The following NAV2 variants were observed in gnomAD, a reference collection of about 807,000 sequenced individuals.
NAV2 encodes helicase, APC down-regulated 1.
Under a neutral mutation model 223.2 loss-of-function variants are expected in NAV2, and 54 were observed. That is an observed-to-expected ratio of 0.24 (90% CI 0.19 to 0.30). The LOEUF is 0.30. Ranked by LOEUF, NAV2 falls within the 10% of genes least tolerant of loss-of-function variation. NAV2 has a pLI of 1.00. For synonymous variants in NAV2, 1,279 were observed against 1,239.3 expected (o/e 1.03, Z -0.67); for missense variants, 2,806 against 3,147.5 (o/e 0.89, Z 2.60).
chr11:20,117,781 AAAAT>A (rs1256197416), intron 37 of NAV2, among the ~76,000 whole-genome samples: 2 of 152,210 alleles, frequency 1.3e-5, no homozygotes, highest in Admixed American at 6.5e-5. Context: ...TCCTAAATAA[AAAAT>A]AAATAAGCTA....
intron 1 of NAV2, among the ~76,000 whole-genome samples, chr11:19,754,440 A>G (rs1396649427): frequency 1.3e-5 from 2 of 152,194 alleles, no homozygotes; most frequent in Non-Finnish European, 2.9e-5. Flanking sequence ...AAACAGATGA[A>G]GAAGTGGTGA....
intron 1 of NAV2, among the ~76,000 whole-genome samples, chr11:19,477,150 T>C (rs180772031): frequency 6.6e-6 from 1 of 152,108 alleles, no homozygotes; most frequent in African/African-American, 2.4e-5. Flanking sequence ...CAAGGTAAAG[T>C]CAGGTTCTCA....
intron 1 of NAV2, among the ~76,000 whole-genome samples, chr11:19,512,033 G>A (rs558593104): frequency 1.3e-5 from 2 of 152,288 alleles, no homozygotes; most frequent in East Asian, 3.9e-4. Flanking sequence ...CCTGCCTAAT[G>A]CCTTTTGTAC....
chr11:19,687,238 G>T (rs1217652053), intron 1 of NAV2, among the ~76,000 whole-genome samples: 1 of 152,188 alleles, frequency 6.6e-6, no homozygotes, highest in East Asian at 1.9e-4. Flanking sequence ...GTAGCCCTGG[G>T]AGCCATACAG....
chr11:19,552,909 G>A (rs1311028327), intron 1 of NAV2, among the ~76,000 whole-genome samples: 3 of 150,698 alleles, frequency 2.0e-5, no homozygotes, highest in Non-Finnish European at 2.9e-5. Flanking sequence ...GGGAAGGGGG[G>A]GAGCTGGATG....
In NAV2 at chr11:19,998,377, C is replaced by G. The variant is rs2052153315; in HGVS notation, c.2768+14130C>G. On this transcript the variant is annotated intron_variant, in intron 11 of 37. Transcript: ENST00000349880. This position sits in a 1 kb window ranked among gnomAD's most constrained non-coding sequence, Gnocchi z 5.0. Reference sequence around the variant, plus strand: ...TCTCATCTGAGCTCTCCCACTGCAGCCTTCCAGGCCCACTGTACCCACCAG... The same window carrying G: ...TCTCATCTGAGCTCTCCCACTGCAGGCTTCCAGGCCCACTGTACCCACCAG... 6.6e-6 allele frequency among the ~76,000 whole-genome samples: 1 copy of G among 152,102 alleles called. No individual in the cohort carries two copies. The highest frequency in any genetic ancestry group is 2.4e-5 in the African/African-American group (1 of 41,428).
At chr11:19,948,154 C>T (rs1476091890) in intron 9 of NAV2, among the ~76,000 whole-genome samples, 1 of 151,922 alleles carries the variant, frequency 6.6e-6, no homozygotes, top group Non-Finnish European at 1.5e-5. Context: ...GATGCAATCT[C>T]AGCTCACTGC....
chr11:19,549,670 T>A (rs1031704134), intron 1 of NAV2, among the ~76,000 whole-genome samples: 1 of 152,256 alleles, frequency 6.6e-6, no homozygotes, highest in African/African-American at 2.4e-5. Context: ...AGGGGGCTCC[T>A]GCAGCAGAAT....
chr11:19,650,197 C>G (rs1376408438), intron 1 of NAV2, among the ~76,000 whole-genome samples: 1 of 152,164 alleles, frequency 6.6e-6, no homozygotes, highest in African/African-American at 2.4e-5. Context: ...GGGCCGTAAT[C>G]CAATATGACT....
chr11:19,872,702 C>T (rs540544415), intron 4 of NAV2, among the ~76,000 whole-genome samples: 1 of 152,318 alleles, frequency 6.6e-6, no homozygotes, highest in Admixed American at 6.5e-5. Flanking sequence ...AGCATTTCAG[C>T]AGCTCAGGCC....
chr11:19,776,832 C>G (rs2056261535), intron 1 of NAV2, among the ~76,000 whole-genome samples: 2 of 152,076 alleles, frequency 1.3e-5, no homozygotes, highest in African/African-American at 4.8e-5. Flanking sequence ...GGTGTCTGAG[C>G]TAAGAACCCA....
chr11:19,350,435 C>G (rs1054423709), upstream of NAV2, among the ~76,000 whole-genome samples: 1 of 152,238 alleles, frequency 6.6e-6, no homozygotes, highest in African/African-American at 2.4e-5. Flanking sequence ...CTGTGATGAA[C>G]GCTTGCAGGA....
At chr11:19,689,601 A>T (rs2049111431) in intron 1 of NAV2, among the ~76,000 whole-genome samples, 1 of 152,234 alleles carries the variant, frequency 6.6e-6, no homozygotes, top group African/African-American at 2.4e-5. Context: ...TTACTTTATA[A>T]GTAGTTCTTT....
At chr11:19,629,696 G>C (rs59388701) in intron 1 of NAV2, among the ~76,000 whole-genome samples, 1,952 of 152,208 alleles carry the variant, frequency 0.013, 46 homozygotes, top group East Asian at 0.066. Flanking sequence ...AGGGACAGGG[G>C]TAGGGTGGGG....
rs906843658 is a variant in NAV2, at chr11:19,836,555, C to T, written c.385+3954C>T. 3.1e-5 allele frequency among the ~76,000 whole-genome samples: 4 copies of T among 130,838 alleles called. No individual in the cohort carries two copies. The East Asian group carries it at 9.1e-4, about 30-fold the overall frequency. The allele number at this position is 130,838 out of a possible 152,430, so 85.8% of individuals were successfully genotyped here. A position where few individuals can be genotyped will look rare whatever the true frequency, so the allele number is the denominator to read the frequency against. On this transcript the variant is annotated intron_variant, in intron 2 of 37. Coordinates refer to ENST00000349880, the MANE Select transcript of NAV2 (RefSeq NM_145117.5). The stretch of plus-strand genomic sequence containing the variant: ...GTCCGGCCTGGGCGACAGAGCGAGA[C>T]TCTGTCTCAAAAAAAAAAAAAAAAA...
chr11:19,375,617 C>T (rs1029101050), intron 1 of NAV2, among the ~76,000 whole-genome samples: 1 of 152,146 alleles, frequency 6.6e-6, no homozygotes. Flanking sequence ...AGTCCCTGTG[C>T]CTAAATCACT....
chr11:20,106,897 C>T (rs558719325), intron 35 of NAV2, among the ~76,000 whole-genome samples: 5 of 151,902 alleles, frequency 3.3e-5, no homozygotes, highest in South Asian at 2.1e-4. Flanking sequence ...CCACCGGCCT[C>T]GGCCTCCCAA....
At chr11:19,907,039 C>A (rs989689633) in intron 6 of NAV2, among the ~76,000 whole-genome samples, 1 of 152,330 alleles carries the variant, frequency 6.6e-6, no homozygotes, top group African/African-American at 2.4e-5. Context: ...CTGAACTTCA[C>A]ATTCCTCAGC....
At chr11:19,822,910 T>G (rs903286092) in intron 1 of NAV2, among the ~76,000 whole-genome samples, 2 of 152,136 alleles carry the variant, frequency 1.3e-5, no homozygotes, top group African/African-American at 2.4e-5. Flanking sequence ...TGGCTCAAGA[T>G]CAGCTGAGAA....
Sources: gnomAD v4.1 joint callset for allele counts (sites outside exome capture counted in the v4.1 genomes callset) on GRCh38, gnomAD v4.1.1 for gene constraint, Gnocchi (gnomAD v3.1) non-coding constraint, MANE v1.5 for transcripts, NCBI Gene and HGNC (gene_info 2026-07-23, HGNC 2026-07-21) for gene names.